Variants in ARPP21 observed in about 807,000 individuals in gnomAD.
The protein encoded by ARPP21 is cAMP regulated phosphoprotein 21, also known as cAMP-regulated phosphoprotein 21.
A neutral mutation model predicts 113.2 loss-of-function variants in ARPP21; 69 were observed. That is an observed-to-expected ratio of 0.61 (90% CI 0.50 to 0.74). The LOEUF is 0.74. ARPP21 is among the 30% of genes least tolerant of loss of function. The pLI is 0.00. For synonymous variants in ARPP21, 368 were observed against 375.5 expected (o/e 0.98, Z 0.23); for missense variants, 1,070 against 1,037.4 (o/e 1.03, Z -0.43).
intron 9 of ARPP21, among the ~76,000 whole-genome samples, chr3:35,702,456 C>T (rs1477619450): frequency 6.6e-6 from 1 of 151,672 alleles, no homozygotes; most frequent in Non-Finnish European, 1.5e-5. Context: ...ATCCACGTAG[C>T]CAAATTGTTT....
At chr3:35,696,735 C>G (rs2084184772) in intron 9 of ARPP21, among the ~76,000 whole-genome samples, 1 of 151,422 alleles carries the variant, frequency 6.6e-6, no homozygotes, top group Non-Finnish European at 1.5e-5. Flanking sequence ...TAGATTTACT[C>G]TACATAATGT....
At chr3:35,673,562 A>C (rs2076840153) in intron 1 of ARPP21, among the ~76,000 whole-genome samples, 1 of 152,022 alleles carries the variant, frequency 6.6e-6, no homozygotes, top group Non-Finnish European at 1.5e-5. Flanking sequence ...GTATTGACAT[A>C]AAACAAAGAT....
At chr3:35,694,191 A>G (rs558955288) in intron 9 of ARPP21, among the ~76,000 whole-genome samples, 43 of 151,684 alleles carry the variant, frequency 2.8e-4, no homozygotes, top group South Asian at 6.2e-4. Context: ...AGAAGAAAGA[A>G]TTTCACATAA....
intron 9 of ARPP21, among the ~76,000 whole-genome samples, chr3:35,697,414 G>A (rs187285369): frequency 3.3e-5 from 5 of 151,750 alleles, no homozygotes; most frequent in Admixed American, 2.6e-4. Context: ...GTGATGAATG[G>A]TGTGTAGTGA....
At position 35,792,471 on chromosome 3, in the gene ARPP21, C is replaced by G. The variant is rs372810393; in HGVS notation, c.2227C>G (p.Gln743Glu). The change falls in exon 20 of 21, where the codon CAA becomes GAA. Residue 743 changes from glutamine to glutamate, a missense_variant. By Grantham distance (29) the Gln-to-Glu change is conservative. Coordinates refer to ENST00000684406, the MANE Select transcript of ARPP21 (RefSeq NM_001385562.1). The stretch of plus-strand genomic sequence containing the variant: ...TCAGAGTCAGAACGTGATAAATAAC[C>G]AACAAGGAACTCCGGTGCAAAGCGT... The part of the protein sequence containing the change: ...PPQSQNVINN[Q>E]QGTPVQSVMV... 6.2e-6 allele frequency: 10 copies of G among 1,613,888 alleles called. No individual in the cohort carries two copies. In the African/African-American group the frequency reaches 1.3e-4, roughly 22 times the overall value.
chr3:35,771,899 T>C (rs1336878002), intron 19 of ARPP21, among the ~76,000 whole-genome samples: 2 of 152,152 alleles, frequency 1.3e-5, no homozygotes, highest in Non-Finnish European at 2.9e-5. Context: ...GATCAAGAGT[T>C]TTATTTTGTT....
chr3:35,711,146 T>C (rs547042423), intron 11 of ARPP21, among the ~76,000 whole-genome samples: 2 of 152,268 alleles, frequency 1.3e-5, no homozygotes, highest in Admixed American at 1.3e-4. Context: ...GGCCAGCTCT[T>C]CCGGCTTTAC....
At chr3:35,677,859 T>C (rs995176646) in intron 1 of ARPP21, among the ~76,000 whole-genome samples, 8 of 152,088 alleles carry the variant, frequency 5.3e-5, no homozygotes, top group South Asian at 4.1e-4. Flanking sequence ...GTAGGGTTGA[T>C]TTCCTGGCAC....
intron 2 of ARPP21, 144 bp downstream of exon 2, chr3:35,680,104 A>G (rs1381104297): frequency 1.3e-5 from 2 of 152,344 alleles, no homozygotes; most frequent in East Asian, 3.9e-4. Context: ...TAGTTTGGAG[A>G]ATTAGAGCTC....
intron 9 of ARPP21, among the ~76,000 whole-genome samples, chr3:35,695,050 A>G (rs1042404624): frequency 1.3e-5 from 2 of 151,032 alleles, no homozygotes; most frequent in Non-Finnish European, 3.0e-5. Flanking sequence ...TAAGAATGAA[A>G]AAGCCATATT....
At chr3:35,702,182 A>T (rs1441051738) in intron 9 of ARPP21, among the ~76,000 whole-genome samples, 1 of 151,746 alleles carries the variant, frequency 6.6e-6, no homozygotes, top group African/African-American at 2.4e-5. Flanking sequence ...TTATAGTTTC[A>T]ACATAAATAT....
chr3:35,749,231 T>C (rs1350255498), intron 19 of ARPP21, among the ~76,000 whole-genome samples: 1 of 152,082 alleles, frequency 6.6e-6, no homozygotes, highest in Non-Finnish European at 1.5e-5. Context: ...CATATCACTT[T>C]GTAGAGATGA....
At chr3:35,684,797 A>G in intron 5 of ARPP21, 13 of 984,524 alleles carry the variant, frequency 1.3e-5, no homozygotes, top group Non-Finnish European at 1.6e-5. Flanking sequence ...GTCCTAAGAG[A>G]GTGTTTTTTT....
chr3:35,667,531 C>T (rs1293921965), intron 1 of ARPP21, among the ~76,000 whole-genome samples: 1 of 152,014 alleles, frequency 6.6e-6, no homozygotes, highest in East Asian at 1.9e-4. Context: ...AGGGTTAAGT[C>T]ACTTTCAGAT....
At chr3:35,655,283 T>C (rs1023835786) in intron 1 of ARPP21, among the ~76,000 whole-genome samples, 1 of 151,974 alleles carries the variant, frequency 6.6e-6, no homozygotes, top group Non-Finnish European at 1.5e-5. Context: ...ATATTTGAGA[T>C]TTCTTATTAT....
At chr3:35,641,573 C>T (rs1226956315) in intron 1 of ARPP21, 2 of 152,140 alleles carry the variant, frequency 1.3e-5, no homozygotes, top group South Asian at 2.1e-4. Flanking sequence ...GCCAAGAGCT[C>T]TATCTATGTT....
intron 19 of ARPP21, among the ~76,000 whole-genome samples, chr3:35,780,595 G>T (rs1324153322): frequency 6.6e-6 from 1 of 152,014 alleles, no homozygotes. Context: ...AATAATGAGT[G>T]GGCTAAACAA....
At chr3:35,689,474 A>C in intron 7 of ARPP21, 89 bp downstream of exon 7, 1 of 726,270 alleles carries the variant, frequency 1.4e-6, no homozygotes, top group Admixed American at 2.3e-5. Flanking sequence ...TAAGAAAGCC[A>C]TTGTGAAATG....
At chr3:35,770,974 T>G (rs1191233391) in intron 19 of ARPP21, among the ~76,000 whole-genome samples, 2 of 152,094 alleles carry the variant, frequency 1.3e-5, no homozygotes, top group Non-Finnish European at 2.9e-5. Context: ...AACATTAAGG[T>G]CATGAATTGA....
Sources: gnomAD v4.1 joint callset for allele counts (sites outside exome capture counted in the v4.1 genomes callset) on GRCh38, gnomAD v4.1.1 for gene constraint, MANE v1.5 for transcripts, NCBI Gene and HGNC (gene_info 2026-07-23, HGNC 2026-07-21) for gene names.